The following MGAT4D variants were observed in gnomAD, a reference collection of about 807,000 sequenced individuals.
The protein encoded by MGAT4D is alpha-1,3-mannosyl-glycoprotein 4-beta-N-acetylglucosaminyltransferase-like protein MGAT4D.
A neutral mutation model predicts 15.9 loss-of-function variants in MGAT4D; 34 were observed. The observed-to-expected ratio is 2.14, with a 90% CI of 1.62 to 2.84. The LOEUF (loss-of-function observed/expected upper bound fraction) is 2.84. MGAT4D is among the 30% of genes most tolerant of loss of function. The pLI is 0.00. For missense variants in MGAT4D, 327 were observed against 140.2 expected (o/e 2.33, Z -6.73); for synonymous variants, 112 against 48.2 (o/e 2.33, Z -5.49).
rs1221903904 is a variant in MGAT4D at position 140,459,563 on chromosome 4, T to C, written c.826A>G (p.Ile276Val). 2 of 536,362 alleles carry C rather than the reference T, an allele frequency of 3.7e-6. No individual in the cohort carries two copies. The highest frequency in any genetic ancestry group is 2.6e-5 in the South Asian group (1 of 38,040). 33.2% of individuals were successfully genotyped at this position (536,362 alleles called of 1,614,324 possible). A position where few individuals can be genotyped will look rare whatever the true frequency, so the allele number is the denominator to read the frequency against. Residue 276 changes from isoleucine (I) to valine (V), a missense_variant, in exon 8 of 11, where the codon ATC becomes GTC. By Grantham distance (29) the Ile-to-Val change is conservative. Coordinates refer to ENST00000511113, the MANE Select transcript of MGAT4D (RefSeq NM_001277353.2). ...FTKITDFVGN[I>V]SSNNWFFIEF... ...ATAAAAAACCAATTATTTGAACTGATATTACCTACAAAATCTGTTATTTTT... is the reference window on the plus strand; with the variant it reads ...ATAAAAAACCAATTATTTGAACTGACATTACCTACAAAATCTGTTATTTTT...
chr4:140,474,754 A>G (rs1732200777), intron 4 of MGAT4D, 59 bp downstream of exon 4: 1 of 507,916 alleles, frequency 2.0e-6, no homozygotes, highest in Non-Finnish European at 3.5e-6. Flanking sequence ...ACCATTGAGG[A>G]AGGGAATTTG....
chr4:140,463,030 A>T (rs553377582), intron 6 of MGAT4D, among the ~76,000 whole-genome samples: 2 of 152,258 alleles, frequency 1.3e-5, no homozygotes, highest in East Asian at 3.9e-4. Flanking sequence ...AGGGGGGAAA[A>T]GTTGGCCTCC....
At chr4:140,451,007 A>G (rs1000692202) in intron 10 of MGAT4D, among the ~76,000 whole-genome samples, 15 of 152,218 alleles carry the variant, frequency 9.9e-5, no homozygotes, top group African/African-American at 3.6e-4. Context: ...GGCAAAACGA[A>G]CAGTGGTCTG....
intron 1 of MGAT4D, among the ~76,000 whole-genome samples, chr4:140,491,796 AG>A (rs1392204871): frequency 6.6e-6 from 1 of 152,070 alleles, no homozygotes; most frequent in Non-Finnish European, 1.5e-5. Flanking sequence ...GCCACATCCA[AG>A]TGTCTTCCAG....
At chr4:140,449,262 A>G (rs1349359642) in intron 10 of MGAT4D, among the ~76,000 whole-genome samples, 1 of 152,220 alleles carries the variant, frequency 6.6e-6, no homozygotes, top group Non-Finnish European at 1.5e-5. Flanking sequence ...TAGACATAGA[A>G]TATGAAATGA....
chr4:140,443,530 AT>A (rs1345617740), intron 10 of MGAT4D, 86 bp from the exon 11 acceptor site: 1 of 439,326 alleles, frequency 2.3e-6, no homozygotes, highest in East Asian at 4.3e-5. Context: ...TTTCTTAATC[AT>A]ATTATTTCCT....
Position 140,455,797 on chromosome 4 carries a change from C to A in MGAT4D, c.1008+792G>T, listed in dbSNP as rs925193266. ...ATTATATATAACATCTTTCTTGATC[C>A]CTAGACTGTTTTTTTCTTTGCTTTT... is the stretch of plus-strand genomic sequence containing the variant. On this transcript the variant is annotated intron_variant, in intron 9 of 10. Coordinates refer to ENST00000511113, the MANE Select transcript of MGAT4D (RefSeq NM_001277353.2). Among the ~76,000 whole-genome samples, 4 of 152,170 alleles carry A rather than the reference C, an allele frequency of 2.6e-5. No homozygotes were observed. In the South Asian group the frequency reaches 8.3e-4, roughly 32 times the overall value.
chr4:140,451,588 G>T, intron 9 of MGAT4D, 71 bp from the exon 10 acceptor site: 2 of 415,676 alleles, frequency 4.8e-6, no homozygotes, highest in Non-Finnish European at 8.6e-6. Flanking sequence ...ACTGATGGTA[G>T]AATTTTTATA....
chr4:140,471,266 CCTTCCTTCCTTCCTTCCT>C (rs1322561080), intron 5 of MGAT4D, among the ~76,000 whole-genome samples: 2 of 149,366 alleles, frequency 1.3e-5, no homozygotes. Context: ...TTCCTTCCTT[CCTTCCTTCCTTCCTTCCT>C]TCTCTCTCTT....
chr4:140,494,196 T>C (rs932917724), intron 1 of MGAT4D, among the ~76,000 whole-genome samples: 36 of 152,294 alleles, frequency 2.4e-4, no homozygotes, highest in African/African-American at 7.5e-4. Flanking sequence ...ACAGTTACCT[T>C]AATTATCATC....
chr4:140,483,905 T>C (rs76840479), intron 1 of MGAT4D, among the ~76,000 whole-genome samples: 80 of 152,280 alleles, frequency 5.3e-4, no homozygotes, highest in Non-Finnish European at 9.3e-4. Flanking sequence ...AACTGTAAGA[T>C]TACTAGAAGA....
At chr4:140,491,152 C>G (rs1053718842) in intron 1 of MGAT4D, among the ~76,000 whole-genome samples, 5 of 152,164 alleles carry the variant, frequency 3.3e-5, no homozygotes, top group Non-Finnish European at 7.3e-5. Context: ...TTCAATTATT[C>G]TCTTGAATAA....
chr4:140,465,869 A>G (rs1166296351), intron 5 of MGAT4D, among the ~76,000 whole-genome samples: 1 of 152,172 alleles, frequency 6.6e-6, no homozygotes, highest in African/African-American at 2.4e-5. Flanking sequence ...GTCTCCCACA[A>G]CAACACTGTA....
chr4:140,496,977 G>A (rs1733879522), intron 1 of MGAT4D, among the ~76,000 whole-genome samples: 1 of 152,056 alleles, frequency 6.6e-6, no homozygotes, highest in Admixed American at 6.5e-5. Flanking sequence ...TGAAGAGGAG[G>A]GAAACTATGT....
rs1190274663 is a variant in MGAT4D, at chr4:140,483,472, TA to T, written c.95-988del. Among the ~76,000 whole-genome samples, 9 of 152,148 alleles carry T rather than the reference TA, an allele frequency of 5.9e-5. No homozygotes were observed. The East Asian group carries it at 1.5e-3, about 26-fold the overall frequency. On this transcript the variant is annotated intron_variant, in intron 1 of 10. Transcript: ENST00000511113. ...CAATCTACAGATTCAATGCAATCCT[TA>T]AAAAAATCCAATTACGTTTTTCACA... is the stretch of plus-strand genomic sequence containing the variant.
rs1350105583 is a variant in MGAT4D at position 140,461,885 on chromosome 4, A to G, written c.762+44T>C. On this transcript the variant is annotated intron_variant, in intron 7 of 10. Transcript: ENST00000511113. ...CTACAGATATAATTGGTGTATACACACACACACACACACACACACACACAC... is the reference window on the plus strand; with the variant it reads ...CTACAGATATAATTGGTGTATACACGCACACACACACACACACACACACAC... 4 of 470,928 alleles carry G rather than the reference A, an allele frequency of 8.5e-6. No homozygotes were observed. In the African/African-American group the frequency reaches 9.7e-5, roughly 11 times the overall value. The allele number at this position is 470,928 out of a possible 1,614,324, so 29.2% of individuals were successfully genotyped here.
chr4:140,491,099 C>T (rs1733472425), intron 1 of MGAT4D, among the ~76,000 whole-genome samples: 1 of 152,194 alleles, frequency 6.6e-6, no homozygotes, highest in Admixed American at 6.5e-5. Flanking sequence ...TAATTGCTGG[C>T]ATACACTGTT....
intron 3 of MGAT4D, among the ~76,000 whole-genome samples, chr4:140,475,416 CT>C (rs914047904): frequency 2.0e-5 from 3 of 152,046 alleles, no homozygotes; most frequent in African/African-American, 7.2e-5. Flanking sequence ...CTCTAAGTAA[CT>C]TTTGTTGCCC....
intron 3 of MGAT4D, among the ~76,000 whole-genome samples, chr4:140,478,952 C>T (rs1732518506): frequency 6.6e-6 from 1 of 152,066 alleles, no homozygotes; most frequent in African/African-American, 2.4e-5. Flanking sequence ...TGGGCCTGGC[C>T]TAGAGTGACT....
Sources: allele counts gnomAD v4.1 joint callset (sites outside exome capture counted in the v4.1 genomes callset), GRCh38; gene constraint gnomAD v4.1.1; transcripts MANE v1.5; gene names NCBI Gene and HGNC (gene_info 2026-07-23, HGNC 2026-07-21).